The following E2F3 variants were observed in gnomAD, a reference collection of about 807,000 sequenced individuals.
The protein encoded by E2F3 is transcription factor E2F3.
A neutral mutation model predicts 44.4 loss-of-function variants in E2F3; 11 were observed. That is an observed-to-expected ratio of 0.25 (90% confidence interval 0.16 to 0.41). E2F3 has a LOEUF of 0.41. E2F3 is among the 10% of genes least tolerant of loss of function. The pLI is 1.00. For missense variants in E2F3, 487 were observed against 583.6 expected (o/e 0.83, Z 1.70); for synonymous variants, 249 against 253.0 (o/e 0.98, Z 0.15).
intron 1 of E2F3, among the ~76,000 whole-genome samples, chr6:20,455,920 T>C (rs1012700368): frequency 6.6e-6 from 1 of 152,158 alleles, no homozygotes. Context: ...GGGTTAAGCA[T>C]TGAAGGAGCT....
intron 1 of E2F3, among the ~76,000 whole-genome samples, chr6:20,420,451 G>T (rs574849066): frequency 6.6e-6 from 1 of 152,042 alleles, no homozygotes; most frequent in African/African-American, 2.4e-5. Flanking sequence ...GTGTGTGTGT[G>T]TGTGTGTGTG....
At chr6:20,462,952 A>G (rs1278671619) in intron 1 of E2F3, among the ~76,000 whole-genome samples, 3 of 122,984 alleles carry the variant, frequency 2.4e-5, no homozygotes, top group Non-Finnish European at 4.7e-5. Context: ...AGCTCAAGCA[A>G]TCCTTCCACC....
Position 20,491,576 on chromosome 6 carries a change from G to A in E2F3, c.*1146G>A, listed in dbSNP as rs193045881. 12 of 205,218 alleles carry A rather than the reference G, an allele frequency of 5.8e-5. No homozygotes were observed. The highest frequency in any genetic ancestry group is 1.1e-4 in the African/African-American group (5 of 43,820). 12.7% of individuals were successfully genotyped at this position (205,218 alleles called of 1,614,324 possible). A position where few individuals can be genotyped will look rare whatever the true frequency, so the allele number is the denominator to read the frequency against. On this transcript the variant is annotated 3_prime_UTR_variant, in exon 7 of 7. Coordinates refer to ENST00000346618, the MANE Select transcript of E2F3 (RefSeq NM_001949.5). ...GGGTCCCTCCATCCTTGGGCTTCCC[G>A]GGCCCCTGTGACAGGGGAAAGGGCT...
intron 1 of E2F3, among the ~76,000 whole-genome samples, chr6:20,432,459 G>A (rs1420118356): frequency 6.6e-6 from 1 of 152,248 alleles, no homozygotes; most frequent in African/African-American, 2.4e-5. Flanking sequence ...ATCTATCAGG[G>A]GAAAGCCGTT....
chr6:20,424,210 G>GGT (rs57286350), intron 1 of E2F3, among the ~76,000 whole-genome samples: 40,545 of 136,432 alleles, frequency 0.3, 6,347 homozygotes, highest in Non-Finnish European at 0.37. Context: ...TCAGTGGAAG[G>GGT]GTGTGTGTGT....
rs1030719818 is a variant in E2F3 at position 20,486,612 on chromosome 6, T to C, written c.885-77T>C. The C allele has an allele frequency of 2.2e-5, 18 of 814,556 alleles. No homozygotes were observed. In the Middle Eastern group the frequency reaches 1.2e-3, roughly 53 times the overall value. 50.5% of individuals were successfully genotyped at this position (814,556 alleles called of 1,614,324 possible). ...TAAGTCATAAAATACTTTAAAATAT[T>C]CCATGCATCTATTTTGTCATTTTCA... On this transcript the variant is annotated intron_variant, in intron 4 of 6. Transcript: ENST00000346618.
At position 20,462,859 on chromosome 6, in the gene E2F3, CTTTTTTTTTTTTTTTTTTTT is replaced by C. The variant is rs780366667; in HGVS notation, c.394-16969_394-16950del. Among the ~76,000 whole-genome samples, 12 of 48,848 alleles carry C rather than the reference CTTTTTTTTTTTTTTTTTTTT, an allele frequency of 2.5e-4. 1 individual carries two copies. In the South Asian group the frequency reaches 6.9e-3, roughly 28 times the overall value. The allele number at this position is 48,848 out of a possible 152,430, so 32.0% of individuals were successfully genotyped here. A position where few individuals can be genotyped will look rare whatever the true frequency, so the allele number is the denominator to read the frequency against. On this transcript the variant is annotated intron_variant, in intron 1 of 6. Coordinates refer to ENST00000346618, the MANE Select transcript of E2F3 (RefSeq NM_001949.5). ...TGTTTTGTTCTCTTTCTCTCTCTCT[CTTTTTTTTTTTTTTTTTTTT>C]TTTTTTTTTTTTTTTTTGAGACAGG...
At chr6:20,484,190 T>A (rs1762318778) in intron 4 of E2F3, among the ~76,000 whole-genome samples, 1 of 152,230 alleles carries the variant, frequency 6.6e-6, no homozygotes, top group African/African-American at 2.4e-5. Flanking sequence ...CTGGGGCCTT[T>A]GTTGCAGAAA....
At chr6:20,452,232 G>A (rs1038978654) in intron 1 of E2F3, 1 of 152,178 alleles carries the variant, frequency 6.6e-6, no homozygotes, top group Non-Finnish European at 1.5e-5. Flanking sequence ...CAATTTCAGA[G>A]TTCATTATTG....
chr6:20,436,623 C>T (rs73382497), intron 1 of E2F3, among the ~76,000 whole-genome samples: 4,213 of 152,274 alleles, frequency 0.028, 194 homozygotes, highest in African/African-American at 0.095. Context: ...TCCTCTGTCT[C>T]TCTATGTTAG....
At chr6:20,429,985 C>T (rs1000262319) in intron 1 of E2F3, among the ~76,000 whole-genome samples, 6 of 152,042 alleles carry the variant, frequency 3.9e-5, no homozygotes, top group African/African-American at 1.2e-4. Flanking sequence ...AATGAATCCT[C>T]TCTGTTAAAA....
At chr6:20,480,824 C>G (rs775189426) in intron 2 of E2F3, among the ~76,000 whole-genome samples, 1 of 152,174 alleles carries the variant, frequency 6.6e-6, no homozygotes, top group Non-Finnish European at 1.5e-5. Context: ...TAGCCTGGCT[C>G]CATCACCGTA....
intron 1 of E2F3, among the ~76,000 whole-genome samples, chr6:20,403,126 G>A (rs1485493259): frequency 6.6e-6 from 1 of 151,830 alleles, no homozygotes; most frequent in African/African-American, 2.4e-5. Context: ...CCTGCGGCGT[G>A]CTCGGAGCGC....
At chr6:20,429,197 C>G (rs1422127483) in intron 1 of E2F3, among the ~76,000 whole-genome samples, 1 of 152,196 alleles carries the variant, frequency 6.6e-6, no homozygotes, top group Admixed American at 6.5e-5. Flanking sequence ...TTGCCTATCA[C>G]AGGCATTCTT....
At chr6:20,471,503 C>T (rs940540315) in intron 1 of E2F3, among the ~76,000 whole-genome samples, 1 of 152,154 alleles carries the variant, frequency 6.6e-6, no homozygotes, top group African/African-American at 2.4e-5. Context: ...ATCACTTGAA[C>T]CCAGGAGGCA....
intron 1 of E2F3, among the ~76,000 whole-genome samples, chr6:20,438,222 C>A (rs1469734390): frequency 2.0e-5 from 3 of 152,096 alleles, no homozygotes; most frequent in Non-Finnish European, 4.4e-5. Flanking sequence ...TTGTAATGGG[C>A]TTTGTAAAAA....
intron 1 of E2F3, among the ~76,000 whole-genome samples, chr6:20,420,173 G>A (rs1759977924): frequency 6.6e-6 from 1 of 152,238 alleles, no homozygotes; most frequent in East Asian, 1.9e-4. Flanking sequence ...TTTATTGAAT[G>A]TTTTTATGTG....
intron 1 of E2F3, among the ~76,000 whole-genome samples, chr6:20,424,664 C>A (rs1561854220): frequency 6.6e-6 from 1 of 151,808 alleles, no homozygotes; most frequent in Non-Finnish European, 1.5e-5. Context: ...AGCTTCTTCT[C>A]CCCCATCCAC....
At chr6:20,447,354 G>GAGAA (rs1760982216) in intron 1 of E2F3, among the ~76,000 whole-genome samples, 2 of 151,996 alleles carry the variant, frequency 1.3e-5, no homozygotes, top group South Asian at 4.2e-4. Flanking sequence ...GAGAGAGAGA[G>GAGAA]AGAAAGAGAA....
Sources: gnomAD v4.1 joint callset for allele counts (sites outside exome capture counted in the v4.1 genomes callset) on GRCh38, gnomAD v4.1.1 for gene constraint, MANE v1.5 for transcripts, NCBI Gene and HGNC (gene_info 2026-07-23, HGNC 2026-07-21) for gene names.